The following TMEM204 variants were observed in gnomAD, a reference collection of about 807,000 sequenced individuals.
TMEM204 encodes the protein transmembrane protein 204.
TMEM204 carries 15 observed loss-of-function variants against 19.4 expected under a neutral mutation model. The ratio of observed to expected loss-of-function variants is 0.77; its 90% CI spans 0.52 to 1.19. TMEM204 has a LOEUF of 1.19. TMEM204 is among the 50% of genes most tolerant of loss of function. The probability of loss-of-function intolerance (pLI) is 0.00; values close to 1 mark genes in which losing one functional copy is unlikely to be tolerated. For missense variants in TMEM204, 287 were observed against 321.2 expected, an observed-to-expected ratio of 0.89 and a Z score of 0.81; for synonymous variants, 161 against 146.0, an observed-to-expected ratio of 1.10 and a Z score of -0.74.
At chr16:1,538,014 CG>C (rs1567344122) in intron 1 of TMEM204, among the ~76,000 whole-genome samples, 1 of 152,242 alleles carries the variant, frequency 6.6e-6, no homozygotes, top group Non-Finnish European at 1.5e-5. Flanking sequence ...GCTGCTACCA[CG>C]CACAGCCACG....
Position 1,533,987 on chromosome 16 carries a change from G to C in TMEM204, c.-289G>C. 2.1e-6 allele frequency: 1 copy of C among 465,762 alleles called. No individual in the cohort carries two copies. Among genetic ancestry groups the C allele is most frequent in the Admixed American group, 4.3e-5 (1 of 23,432 alleles). The allele number at this position is 465,762 out of a possible 1,614,324, so 28.9% of individuals were successfully genotyped here. ...GGCCTCCGCTTCCCGGGAAGACGGC[G>C]CACTCCTGGCCCTGGGTTCTTGCTG... On this transcript the variant is annotated 5_prime_UTR_variant, in exon 1 of 3. Coordinates refer to ENST00000566264, the MANE Select transcript of TMEM204 (RefSeq NM_024600.6). This position sits in a 1 kb window ranked among gnomAD's most constrained non-coding sequence, Gnocchi z 4.7.
In TMEM204 at chr16:1,553,729, A is replaced by T; in HGVS notation, c.437-1053A>T. ...GGCCTCCAGGACAATCTGTGGCCACATCCCCATGGCTGTAGGGGATGAGGA... is the reference window on the plus strand; with the variant it reads ...GGCCTCCAGGACAATCTGTGGCCACTTCCCCATGGCTGTAGGGGATGAGGA... On this transcript the variant is annotated intron_variant, in intron 2 of 2. Transcript: ENST00000566264. This position sits in a 1 kb window ranked among gnomAD's most constrained non-coding sequence, Gnocchi z 4.4. The T allele has an allele frequency of 8.9e-7, 1 of 1,125,306 alleles. No individual in the cohort carries two copies. The highest frequency in any genetic ancestry group is 1.1e-6 in the Non-Finnish European group (1 of 906,730). 69.7% of individuals were successfully genotyped at this position (1,125,306 alleles called of 1,614,324 possible). A position where few individuals can be genotyped will look rare whatever the true frequency, so the allele number is the denominator to read the frequency against.
chr16:1,543,129 GAC>G (rs1479668132), intron 2 of TMEM204, among the ~76,000 whole-genome samples: 13 of 152,368 alleles, frequency 8.5e-5, no homozygotes, highest in African/African-American at 3.1e-4. Context: ...CAGAGACAGG[GAC>G]ACAGAGAAAG....
Position 1,551,791 on chromosome 16 carries a change from A to G in TMEM204, c.437-2991A>G, listed in dbSNP as rs2032661758. 6.6e-6 allele frequency among the ~76,000 whole-genome samples: 1 copy of G among 152,156 alleles called. No homozygotes were observed. Among genetic ancestry groups the G allele is most frequent in the Non-Finnish European group, 1.5e-5 (1 of 68,026 alleles). On this transcript the variant is annotated intron_variant, in intron 2 of 2. Coordinates refer to ENST00000566264, the MANE Select transcript of TMEM204 (RefSeq NM_024600.6). This position sits in a 1 kb window ranked among gnomAD's most constrained non-coding sequence, Gnocchi z 4.0. ...TGCGTGGTCCGGCAGATCCGGCAAG[A>G]TCAACTCTGCGGGACCTCCCACCCG... is the stretch of plus-strand genomic sequence containing the variant.
chr16:1,553,565 C>A lies in TMEM204; in HGVS notation c.437-1217C>A. On this transcript the variant is annotated intron_variant, in intron 2 of 2. Transcript: ENST00000566264. The surrounding 1 kb of genome is among the most constrained non-coding windows in gnomAD (Gnocchi z 4.4). ...GACAAGAGGGGCTGGAGAGTTTAAT[C>A]TGGACCAGTGTAAGTTACAGAGAGT... The A allele has an allele frequency of 9.9e-7, 1 of 1,008,956 alleles. No homozygotes were observed. The highest frequency in any genetic ancestry group is 1.2e-6 in the Non-Finnish European group (1 of 843,024). 62.5% of individuals were successfully genotyped at this position (1,008,956 alleles called of 1,614,324 possible). A position where few individuals can be genotyped will look rare whatever the true frequency, so the allele number is the denominator to read the frequency against.
At chr16:1,547,723 A>G (rs1250678442) in intron 2 of TMEM204, among the ~76,000 whole-genome samples, 1 of 152,120 alleles carries the variant, frequency 6.6e-6, no homozygotes. Flanking sequence ...TTTGGTAGAG[A>G]TGGGGTTTCA....
At chr16:1,545,835 C>T (rs2032123904) in intron 2 of TMEM204, among the ~76,000 whole-genome samples, 1 of 152,222 alleles carries the variant, frequency 6.6e-6, no homozygotes, top group African/African-American at 2.4e-5. Flanking sequence ...TTTCTGGGCT[C>T]AGTGCCATGC....
At chr16:1,540,472 G>A (rs898532208) in intron 1 of TMEM204, among the ~76,000 whole-genome samples, 5 of 152,186 alleles carry the variant, frequency 3.3e-5, no homozygotes, top group African/African-American at 4.8e-5. Flanking sequence ...TCCCACAGGC[G>A]TGCTCTGAGG....
chr16:1,545,248 T>A (rs1290579881), intron 2 of TMEM204, among the ~76,000 whole-genome samples: 1 of 151,750 alleles, frequency 6.6e-6, no homozygotes, highest in Non-Finnish European at 1.5e-5. Flanking sequence ...TCTGACAAGG[T>A]TGGACCAGGC....
chr16:1,537,871 A>T (rs1002140706), intron 1 of TMEM204, among the ~76,000 whole-genome samples: 1 of 152,132 alleles, frequency 6.6e-6, no homozygotes, highest in African/African-American at 2.4e-5. Flanking sequence ...GTCACCACGC[A>T]TGCCCCGCCA....
intron 2 of TMEM204, among the ~76,000 whole-genome samples, chr16:1,544,082 A>G (rs557584068): frequency 5.9e-5 from 9 of 151,680 alleles, no homozygotes; most frequent in South Asian, 2.1e-4. Context: ...CAGTGGCGCA[A>G]TCTCGGCTCA....
At chr16:1,552,132 TTAAA>T (rs1410500576) in intron 2 of TMEM204, among the ~76,000 whole-genome samples, 1 of 152,158 alleles carries the variant, frequency 6.6e-6, no homozygotes, top group Non-Finnish European at 1.5e-5. Context: ...CCCTGAGATT[TTAAA>T]CACGTTTCTG....
rs764303813 is a variant in TMEM204, at chr16:1,541,912, G to C, written c.281-9G>C. On this transcript the variant is annotated splice_polypyrimidine_tract_variant and intron_variant, in intron 1 of 2. Coordinates refer to ENST00000566264, the MANE Select transcript of TMEM204 (RefSeq NM_024600.6). Reference sequence around the variant, plus strand: ...CACTCACCACTGCCTCTCTGCTCTTGGCCCACAGTGCAGTTCGACATGATG... The same window carrying C: ...CACTCACCACTGCCTCTCTGCTCTTCGCCCACAGTGCAGTTCGACATGATG... The C allele has an allele frequency of 1.3e-6, 2 of 1,582,290 alleles. No homozygotes were observed. The highest frequency in any genetic ancestry group is 1.3e-5 in the African/African-American group (1 of 74,348).
chr16:1,544,840 G>A (rs902560027), intron 2 of TMEM204, among the ~76,000 whole-genome samples: 1 of 151,526 alleles, frequency 6.6e-6, no homozygotes. Context: ...AGTAGAGACG[G>A]GGTTTCACCG....
chr16:1,534,501 C>T lies in TMEM204; in HGVS notation c.226C>T (p.Leu76=). ...GQVDAHDCEA[L]GWGSEAAGFQ... is the part of the protein sequence containing the mutation. ...GGTGGACGCACATGACTGTGAGGCG[C>T]TGGGCTGGGGCTCCGAGGCAGCCGG... The change falls in exon 1 of 3, where the codon CTG becomes TTG. Residue 76 remains leucine, a synonymous_variant. Coordinates refer to ENST00000566264, the MANE Select transcript of TMEM204 (RefSeq NM_024600.6). 6.2e-7 allele frequency: 1 copy of T among 1,609,096 alleles called. No individual in the cohort carries two copies. Among genetic ancestry groups the T allele is most frequent in the Admixed American group, 1.7e-5 (1 of 60,018 alleles).
chr16:1,544,801 A>G (rs1445259411), intron 2 of TMEM204, among the ~76,000 whole-genome samples: 2 of 150,192 alleles, frequency 1.3e-5, no homozygotes, highest in African/African-American at 5.0e-5. Context: ...GGCACCCGCC[A>G]CCACGCCTGG....
At chr16:1,543,070 C>T (rs902044121) in intron 2 of TMEM204, among the ~76,000 whole-genome samples, 3 of 152,230 alleles carry the variant, frequency 2.0e-5, no homozygotes, top group Admixed American at 2.0e-4. Context: ...GCATCTGGGG[C>T]AGGCTCAGGT....
At chr16:1,545,530 T>C (rs2141331606) in intron 2 of TMEM204, among the ~76,000 whole-genome samples, 1 of 152,224 alleles carries the variant, frequency 6.6e-6, no homozygotes, top group African/African-American at 2.4e-5. Flanking sequence ...TTTCCTGTAC[T>C]CGCGTCTGTT....
chr16:1,555,063 T>G lies in TMEM204; in HGVS notation c.*37T>G. 6.3e-7 allele frequency: 1 copy of G among 1,579,038 alleles called. No homozygotes were observed. The highest frequency in any genetic ancestry group is 8.6e-7 in the Non-Finnish European group (1 of 1,164,364). On this transcript the variant is annotated 3_prime_UTR_variant, in exon 3 of 3. Transcript: ENST00000566264. ...CAGCGCTCCATCAACGCACACCTGCTATCGTGGAACAGCCTAGAAACCAAG... is the reference window on the plus strand; with the variant it reads ...CAGCGCTCCATCAACGCACACCTGCGATCGTGGAACAGCCTAGAAACCAAG...
Sources: gnomAD v4.1 joint callset for allele counts (sites outside exome capture counted in the v4.1 genomes callset) on GRCh38, gnomAD v4.1.1 for gene constraint, Gnocchi (gnomAD v3.1) non-coding constraint, MANE v1.5 for transcripts, NCBI Gene and HGNC (gene_info 2026-07-23, HGNC 2026-07-21) for gene names.